The following ACSM2A variants were observed in gnomAD, a reference collection of about 807,000 sequenced individuals.
The protein encoded by ACSM2A is acyl-CoA synthetase medium chain family member 2A, also known as acyl-coenzyme A synthetase ACSM2A, mitochondrial.
In ACSM2A, 72 loss-of-function variants were observed where a neutral mutation model predicts 76.6. The observed-to-expected ratio is 0.94, with a 90% CI of 0.78 to 1.14. The LOEUF is 1.14. Ranked by LOEUF, ACSM2A falls within the 50% of genes most tolerant of loss-of-function variation. ACSM2A has a pLI of 0.00. For missense variants in ACSM2A, 684 were observed against 708.5 expected, an observed-to-expected ratio of 0.97 and a Z score of 0.39; for synonymous variants, 249 against 255.9, an observed-to-expected ratio of 0.97 and a Z score of 0.26.
At chr16:20,485,782 TATTAA>T (rs1277367747) in intron 13 of ACSM2A, among the ~76,000 whole-genome samples, 2 of 152,214 alleles carry the variant, frequency 1.3e-5, no homozygotes, top group Non-Finnish European at 2.9e-5. Context: ...GTATCCCTAT[TATTAA>T]ATTAAAGTTA....
intron 1 of ACSM2A, among the ~76,000 whole-genome samples, chr16:20,458,921 T>C (rs1217537349): frequency 3.1e-4 from 22 of 72,018 alleles, no homozygotes; most frequent in African/African-American, 1.8e-3. Context: ...TATATATATA[T>C]ATATATATAT....
At chr16:20,473,710 A>G (rs1023597220) in intron 6 of ACSM2A, among the ~76,000 whole-genome samples, 21 of 152,268 alleles carry the variant, frequency 1.4e-4, no homozygotes, top group Admixed American at 1.0e-3. Flanking sequence ...CTCCTTAGCC[A>G]GGGTTCTTTT....
In ACSM2A at chr16:20,460,201, A is replaced by C. The variant is rs2012530272; in HGVS notation, c.87A>C (p.Gln29His). The C allele has an allele frequency of 6.2e-7, 1 of 1,613,556 alleles. No homozygotes were observed. Among genetic ancestry groups the C allele is most frequent in the South Asian group, 1.1e-5 (1 of 91,040 alleles). The change falls in exon 2 of 14, where the codon CAA becomes CAC. Residue 29 changes from glutamine (Q) to histidine (H), a missense_variant. Around this residue, in one of 3 missense-constraint regions of ACSM2A, gnomAD observed 519 missense variants for 549.5 expected, o/e 0.94. Coordinates refer to ENST00000573854, the MANE Select transcript of ACSM2A (RefSeq NM_001308172.2). ...SSRTLYINSR[Q>H]LVSLQWGHQE... Reference sequence around the variant, plus strand: ...GCACTCTCTACATTAATAGTAGGCAACTGGTGTCCCTGCAGTGGGGCCACC... The same window carrying C: ...GCACTCTCTACATTAATAGTAGGCACCTGGTGTCCCTGCAGTGGGGCCACC...
intron 2 of ACSM2A, 95 bp downstream of exon 2, chr16:20,460,386 C>T (rs1217599066): frequency 6.7e-7 from 1 of 1,494,312 alleles, no homozygotes; most frequent in East Asian, 2.4e-5. Context: ...GTACTTATTA[C>T]ATGTAAGGCA....
chr16:20,460,146 G>T lies in ACSM2A; in HGVS notation c.32G>T (p.Cys11Phe), dbSNP rs779368041. ...TGGCTGCGAAAAGTTCAGGGACTTT[G>T]CACCCTGTGGGGTACTCAGATGTCC... The part of the protein sequence containing the change: MHWLRKVQGL[C>F]TLWGTQMSSR... Residue 11 changes from cysteine (C) to phenylalanine (F), a missense_variant, in exon 2 of 14, where the codon TGC (cysteine) becomes TTC (phenylalanine). Cys to Phe is a radical substitution (Grantham distance 205). Around this residue, in one of 3 missense-constraint regions of ACSM2A, gnomAD observed 519 missense variants for 549.5 expected, o/e 0.94. Coordinates refer to ENST00000573854, the MANE Select transcript of ACSM2A (RefSeq NM_001308172.2). 2 of 1,612,324 alleles carry T rather than the reference G, an allele frequency of 1.2e-6. No individual in the cohort carries two copies. Among genetic ancestry groups the T allele is most frequent in the East Asian group, 2.2e-5 (1 of 44,828 alleles).
intron 1 of ACSM2A, among the ~76,000 whole-genome samples, chr16:20,457,504 T>C (rs929165045): frequency 6.6e-6 from 1 of 152,036 alleles, no homozygotes; most frequent in Admixed American, 6.6e-5. Context: ...GCAGGAATGG[T>C]TTAACGTACA....
chr16:20,478,609 G>A lies in ACSM2A; in HGVS notation c.1213G>A (p.Gly405Ser), dbSNP rs570810199. ...TGATAAGGGCAACGTCCTGCCCCCCGGCACAGAAGGAGACATTGGCATCAG... is the reference window on the plus strand; with the variant it reads ...TGATAAGGGCAACGTCCTGCCCCCCAGCACAGAAGGAGACATTGGCATCAG... ...IDDKGNVLPP[G>S]TEGDIGIRVK... is the part of the protein sequence containing the mutation. The change falls in exon 10 of 14, where the codon GGC becomes AGC. Residue 405 changes from glycine (G) to serine (S), a missense_variant. Coordinates refer to ENST00000573854, the MANE Select transcript of ACSM2A (RefSeq NM_001308172.2). 1.6e-5 allele frequency: 26 copies of A among 1,613,862 alleles called. No individual in the cohort carries two copies. The East Asian group carries it at 2.5e-4, about 15-fold the overall frequency.
At chr16:20,467,323 G>GATTGATGGATTGAGTGACACTCAAACC in intron 3 of ACSM2A, among the ~76,000 whole-genome samples, 1 of 151,554 alleles carries the variant, frequency 6.6e-6, no homozygotes, top group Non-Finnish European at 1.5e-5. Context: ...AATGGGAAAT[G>GATTGATGGATTGAGTGACACTCAAACC]ATTGATGGAT....
chr16:20,469,870 GTAT>G (rs879054712), intron 4 of ACSM2A, 151 bp downstream of exon 4: 30,316 of 603,014 alleles, frequency 0.05, 523 homozygotes, highest in East Asian at 0.13. Flanking sequence ...TAACACAAGG[GTAT>G]TTTTTTTTTT....
chr16:20,469,855 A>C (rs374992109), intron 4 of ACSM2A, 136 bp downstream of exon 4: 1 of 1,288,072 alleles, frequency 7.8e-7, no homozygotes, highest in Admixed American at 2.4e-5. Flanking sequence ...GGAAGAAATA[A>C]AAGCTAACAC....
rs746833552 is a variant in ACSM2A at position 20,483,040 on chromosome 16, C to T, written c.1510-18C>T. 17 of 1,612,868 alleles carry T rather than the reference C, an allele frequency of 1.1e-5. No homozygotes were observed. The highest frequency in any genetic ancestry group is 2.2e-5 in the East Asian group (1 of 44,826). ...ACACACTCTAATCCCTTCTCTCTGG[C>T]CTTCATCTTTTTTGCAGGTGGTGAA... On this transcript the variant is annotated intron_variant, in intron 12 of 13. Transcript: ENST00000573854.
In ACSM2A at chr16:20,486,862, T is replaced by A. The variant is rs1349986751; in HGVS notation, c.*184T>A. The A allele has an allele frequency of 1.5e-6, 1 of 667,782 alleles. No homozygotes were observed. The highest frequency in any genetic ancestry group is 2.5e-6 in the Non-Finnish European group (1 of 406,620). 41.4% of individuals were successfully genotyped at this position (667,782 alleles called of 1,614,324 possible). ...ATGTTGAAAGAAGAAAGGGAAGGAA[T>A]GAGAGAGAGTGAAAAGGAGAGGGTA... On this transcript the variant is annotated 3_prime_UTR_variant, in exon 14 of 14. Transcript: ENST00000573854.
chr16:20,465,162 G>A (rs1284724980), intron 2 of ACSM2A, among the ~76,000 whole-genome samples: 1 of 152,040 alleles, frequency 6.6e-6, no homozygotes, highest in African/African-American at 2.4e-5. Context: ...AGAATAAATA[G>A]ACGCAATAAA....
chr16:20,486,818 CA>C lies in ACSM2A; in HGVS notation c.*144del. The C allele has an allele frequency of 1.0e-6, 1 of 998,052 alleles. No individual in the cohort carries two copies. The highest frequency in any genetic ancestry group is 1.5e-6 in the Non-Finnish European group (1 of 667,464). 61.8% of individuals were successfully genotyped at this position (998,052 alleles called of 1,614,324 possible). A position where few individuals can be genotyped will look rare whatever the true frequency, so the allele number is the denominator to read the frequency against. Reference sequence around the variant, plus strand: ...TTTTGTCTTGCCTTGGTTATTAGCACAAAACTTTACCATGTTAGATGTTGAA... The same window carrying C: ...TTTTGTCTTGCCTTGGTTATTAGCACAAACTTTACCATGTTAGATGTTGAA... On this transcript the variant is annotated 3_prime_UTR_variant, in exon 14 of 14. Coordinates refer to ENST00000573854, the MANE Select transcript of ACSM2A (RefSeq NM_001308172.2).
intron 3 of ACSM2A, among the ~76,000 whole-genome samples, chr16:20,467,231 T>G (rs921869655): frequency 6.6e-6 from 1 of 152,194 alleles, no homozygotes; most frequent in Non-Finnish European, 1.5e-5. Flanking sequence ...GGCAATAGAA[T>G]GAACATGTAG....
At chr16:20,477,479 G>A (rs1469927468) in intron 9 of ACSM2A, 30 bp downstream of exon 9, 5 of 1,581,386 alleles carry the variant, frequency 3.2e-6, no homozygotes, top group Non-Finnish European at 4.3e-6. Context: ...GAGGGAGGAA[G>A]TTAGGGGAAA....
chr16:20,486,042 C>T (rs1316745677), intron 13 of ACSM2A, among the ~76,000 whole-genome samples: 1 of 152,172 alleles, frequency 6.6e-6, no homozygotes, highest in African/African-American at 2.4e-5. Flanking sequence ...ATGTGGAATT[C>T]AAAATGAGGT....
rs59261767 is a variant in ACSM2A, at chr16:20,465,682, C to T, written c.343C>T (p.Arg115Ter). The T allele has an allele frequency of 0.01, 16,274 of 1,613,822 alleles. 907 individuals carry two copies. The East Asian group carries it at 0.18, about 18-fold the overall frequency. Residue 115 changes from arginine (R) to a stop codon, truncating the protein, a stop_gained, in exon 3 of 14, where the codon CGA (arginine) becomes TGA (stop). Transcript: ENST00000573854. LOFTEE classifies it high-confidence loss of function. ...RGDRVAVVLP[R>*]VPEWWLVILG... ...GGATCGTGTGGCAGTGGTGCTGCCCCGAGTGCCTGAGTGGTGGCTGGTGAT... is the reference window on the plus strand; with the variant it reads ...GGATCGTGTGGCAGTGGTGCTGCCCTGAGTGCCTGAGTGGTGGCTGGTGAT...
intron 6 of ACSM2A, 141 bp downstream of exon 6, chr16:20,471,830 G>T: frequency 7.7e-6 from 11 of 1,436,078 alleles, no homozygotes; most frequent in Non-Finnish European, 1.0e-5. Flanking sequence ...AAACGAGATG[G>T]AAATGGTCCC....
Sources: allele counts gnomAD v4.1 joint callset (sites outside exome capture counted in the v4.1 genomes callset), GRCh38; gene constraint gnomAD v4.1.1; regional missense constraint gnomAD v4.1.1; transcripts MANE v1.5; gene names NCBI Gene and HGNC (gene_info 2026-07-23, HGNC 2026-07-21).